IQUB: variants seen among roughly 807,000 people sequenced by gnomAD.
IQUB encodes IQ motif and ubiquitin domain containing.
IQUB carries 86 observed loss-of-function variants against 86.4 expected under a neutral mutation model. The observed-to-expected ratio is 1.00, with a 90% CI of 0.84 to 1.19. The LOEUF (loss-of-function observed/expected upper bound fraction) is 1.19. IQUB is among the 50% of genes most tolerant of loss of function. The pLI, the probability that IQUB is intolerant of heterozygous loss-of-function variation, is 0.00. For missense variants in IQUB, 946 were observed against 916.9 expected (o/e 1.03, Z -0.41); for synonymous variants, 289 against 304.5 (o/e 0.95, Z 0.53).
intron 1 of IQUB, among the ~76,000 whole-genome samples, chr7:123,521,338 T>C (rs895130829): frequency 6.6e-6 from 1 of 152,030 alleles, no homozygotes; most frequent in African/African-American, 2.4e-5. Context: ...CCAAGCAATC[T>C]ATCTCCTTAC....
intron 2 of IQUB, among the ~76,000 whole-genome samples, chr7:123,511,696 T>A (rs906054018): frequency 6.6e-5 from 10 of 152,092 alleles, no homozygotes; most frequent in African/African-American, 2.4e-4. Context: ...TTTGAAAAAA[T>A]GTATAAATAT....
chr7:123,533,340 A>G (rs1020139972), intron 1 of IQUB, among the ~76,000 whole-genome samples: 3 of 152,216 alleles, frequency 2.0e-5, no homozygotes, highest in Admixed American at 6.5e-5. Context: ...AAATTCCATC[A>G]AACTGTTTTC....
intron 8 of IQUB, among the ~76,000 whole-genome samples, chr7:123,477,232 A>C (rs1415228415): frequency 6.6e-6 from 1 of 152,210 alleles, no homozygotes; most frequent in African/African-American, 2.4e-5. Context: ...TACTGGTATC[A>C]AAACAGAGAG....
intron 1 of IQUB, among the ~76,000 whole-genome samples, chr7:123,518,650 A>C (rs576608489): frequency 6.6e-6 from 1 of 152,212 alleles, no homozygotes; most frequent in Non-Finnish European, 1.5e-5. Context: ...GCTACAGTAC[A>C]GTGGTGCGAT....
intron 7 of IQUB, among the ~76,000 whole-genome samples, chr7:123,487,437 A>G (rs933756938): frequency 2.6e-5 from 4 of 152,208 alleles, no homozygotes; most frequent in Non-Finnish European, 5.9e-5. Context: ...GGACAATTGG[A>G]ACTCTGTGAA....
At chr7:123,499,557 A>G (rs953249418) in intron 6 of IQUB, among the ~76,000 whole-genome samples, 5 of 152,232 alleles carry the variant, frequency 3.3e-5, no homozygotes, top group Non-Finnish European at 7.3e-5. Flanking sequence ...GCATATTACA[A>G]TAAGATTACC....
intron 3 of IQUB, among the ~76,000 whole-genome samples, chr7:123,507,214 A>G (rs1796218542): frequency 6.6e-6 from 1 of 152,214 alleles, no homozygotes; most frequent in South Asian, 2.1e-4. Flanking sequence ...CAAAAGCCAC[A>G]CACATTTAGT....
At chr7:123,461,335 T>G (rs1361504899) in intron 11 of IQUB, 22 bp downstream of exon 11, 2 of 1,582,458 alleles carry the variant, frequency 1.3e-6, no homozygotes, top group Non-Finnish European at 1.7e-6. Context: ...CAGCTATAAT[T>G]GGCACCCCTT....
At chr7:123,529,744 A>C (rs1300721297) in intron 1 of IQUB, among the ~76,000 whole-genome samples, 1 of 147,940 alleles carries the variant, frequency 6.8e-6, no homozygotes, top group Non-Finnish European at 1.5e-5. Context: ...AAAAAAAAAA[A>C]AAAAAAACAG....
chr7:123,526,942 C>A (rs1157196497), intron 1 of IQUB, among the ~76,000 whole-genome samples: 1 of 152,040 alleles, frequency 6.6e-6, no homozygotes, highest in Non-Finnish European at 1.5e-5. Context: ...TATTTTATTT[C>A]TCCTTCACTT....
chr7:123,491,320 T>A (rs1409998374), intron 7 of IQUB, among the ~76,000 whole-genome samples: 1 of 151,332 alleles, frequency 6.6e-6, no homozygotes, highest in African/African-American at 2.4e-5. Flanking sequence ...AGAAGAGGAG[T>A]AAACTGAACC....
In IQUB at chr7:123,493,721, A is replaced by ATGTGTGTG. The variant is rs753344642; in HGVS notation, c.1234+2967_1234+2974dup. ...CTGCTAGGTTTACACCCTGAGAGAA[A>ATGTGTGTG]TGTGTGTGTATGTGTGTGTGTGTGT... is the stretch of plus-strand genomic sequence containing the variant. On this transcript the variant is annotated intron_variant, in intron 7 of 12. Transcript: ENST00000324698. 1.8e-3 allele frequency among the ~76,000 whole-genome samples: 227 copies of ATGTGTGTG among 128,382 alleles called. 2 individuals carry two copies. The highest frequency in any genetic ancestry group is 4.1e-3 in the Middle Eastern group (1 of 244). 84.2% of individuals were successfully genotyped at this position (128,382 alleles called of 152,430 possible). A position where few individuals can be genotyped will look rare whatever the true frequency, so the allele number is the denominator to read the frequency against.
chr7:123,533,142 G>A (rs1234474542), intron 1 of IQUB, among the ~76,000 whole-genome samples: 3 of 152,188 alleles, frequency 2.0e-5, no homozygotes, highest in Non-Finnish European at 4.4e-5. Flanking sequence ...AATTCAAAAC[G>A]AGTCTACTCA....
intron 3 of IQUB, among the ~76,000 whole-genome samples, chr7:123,505,718 G>A (rs1796148807): frequency 6.6e-6 from 1 of 152,172 alleles, no homozygotes; most frequent in Non-Finnish European, 1.5e-5. Flanking sequence ...GTGACAAGAG[G>A]GGCTGCCATG....
chr7:123,506,088 C>T (rs982680757), intron 3 of IQUB, among the ~76,000 whole-genome samples: 3 of 152,172 alleles, frequency 2.0e-5, no homozygotes, highest in Non-Finnish European at 2.9e-5. Flanking sequence ...ACAGTGCTGC[C>T]GGGTGTCTTT....
intron 1 of IQUB, among the ~76,000 whole-genome samples, chr7:123,514,579 T>A (rs1003319763): frequency 1.3e-5 from 2 of 152,210 alleles, no homozygotes; most frequent in South Asian, 4.1e-4. Flanking sequence ...CTCAAATCCT[T>A]ACACTGTTTA....
chr7:123,514,982 A>C (rs188141141), intron 1 of IQUB, among the ~76,000 whole-genome samples: 46 of 152,324 alleles, frequency 3.0e-4, no homozygotes, highest in African/African-American at 1.0e-3. Context: ...AAAAAACAGA[A>C]ACATAGTTTT....
chr7:123,485,381 A>G (rs1484808144), intron 7 of IQUB, among the ~76,000 whole-genome samples: 1 of 152,066 alleles, frequency 6.6e-6, no homozygotes, highest in African/African-American at 2.4e-5. Context: ...TTTCTTAATT[A>G]TCTCTTTAAA....
At position 123,472,615 on chromosome 7, in the gene IQUB, G is replaced by A. The variant is rs56245345; in HGVS notation, c.1411-3231C>T. ...GGAGTTAGCCAGATTAAAGGGAACC[G>A]AGTGATACAATCAAAGAATCCTAGA... On this transcript the variant is annotated intron_variant, in intron 8 of 12. Coordinates refer to ENST00000324698, the MANE Select transcript of IQUB (RefSeq NM_178827.5). Among the ~76,000 whole-genome samples, 1,245 of 152,262 alleles carry A rather than the reference G, an allele frequency of 8.2e-3. 14 individuals are homozygous for A. The highest frequency in any genetic ancestry group is 0.029 in the African/African-American group (1,185 of 41,554).
Sources: gnomAD v4.1 joint callset for allele counts (sites outside exome capture counted in the v4.1 genomes callset) on GRCh38, gnomAD v4.1.1 for gene constraint, MANE v1.5 for transcripts, NCBI Gene and HGNC (gene_info 2026-07-23, HGNC 2026-07-21) for gene names.